Variants in PRDM16 observed in about 807,000 individuals in gnomAD.
PRDM16 encodes the protein histone-lysine N-methyltransferase PRDM16.
In PRDM16, 23 loss-of-function variants were observed where a neutral mutation model predicts 110.6. That is an observed-to-expected ratio of 0.21 (90% confidence interval 0.15 to 0.29). The LOEUF is 0.29. Ranked by LOEUF, PRDM16 falls within the 10% of genes least tolerant of loss-of-function variation. The probability of loss-of-function intolerance (pLI) is 1.00; values close to 1 mark genes in which losing one functional copy is unlikely to be tolerated. For synonymous variants in PRDM16, 799 were observed against 781.8 expected, an observed-to-expected ratio of 1.02 and a Z score of -0.37; for missense variants, 1,615 against 1,794.3, an observed-to-expected ratio of 0.90 and a Z score of 1.81.
intron 2 of PRDM16, among the ~76,000 whole-genome samples, chr1:3,212,196 G>T (rs1028411570): frequency 2.6e-5 from 4 of 152,158 alleles, no homozygotes; most frequent in Non-Finnish European, 4.4e-5. Context: ...GGGCCAGTGC[G>T]CACAAAGCCC....
intron 1 of PRDM16, among the ~76,000 whole-genome samples, chr1:3,085,039 C>A (rs1406121323): frequency 3.9e-5 from 6 of 152,126 alleles, no homozygotes; most frequent in Non-Finnish European, 8.8e-5. Context: ...CCTTTTCCTG[C>A]ACCCCTTGGT....
chr1:3,266,869 G>A (rs1322471412), intron 3 of PRDM16, among the ~76,000 whole-genome samples: 2 of 152,048 alleles, frequency 1.3e-5, no homozygotes, highest in African/African-American at 2.4e-5. Context: ...GTAGAGACCG[G>A]ATTTTGCCGT....
intron 8 of PRDM16, among the ~76,000 whole-genome samples, chr1:3,408,683 C>T (rs943352690): frequency 5.8e-5 from 8 of 137,674 alleles, no homozygotes; most frequent in African/African-American, 8.3e-5. Context: ...AGTGTGAGCA[C>T]GTGAGCCGGT....
chr1:3,137,530 G>T (rs372310767), intron 1 of PRDM16, among the ~76,000 whole-genome samples: 50 of 152,308 alleles, frequency 3.3e-4, no homozygotes, highest in African/African-American at 1.1e-3. Flanking sequence ...AGGCACTGGG[G>T]GTCAGATTGG....
At chr1:3,408,795 CGT>C (rs35154920) in intron 8 of PRDM16, among the ~76,000 whole-genome samples, 5,749 of 133,304 alleles carry the variant, frequency 0.043, 437 homozygotes, top group African/African-American at 0.15. Flanking sequence ...TGAGCCGGTG[CGT>C]GTGTGTGAGC....
chr1:3,433,195 G>A (rs578020984), intron 16 of PRDM16, among the ~76,000 whole-genome samples: 2 of 152,244 alleles, frequency 1.3e-5, no homozygotes, highest in Non-Finnish European at 2.9e-5. Flanking sequence ...GGTGTGCACA[G>A]GAGGCCCTGC....
chr1:3,337,113 G>A (rs1214328059), intron 3 of PRDM16, among the ~76,000 whole-genome samples: 1 of 150,908 alleles, frequency 6.6e-6, no homozygotes, highest in Non-Finnish European at 1.5e-5. Flanking sequence ...GTTGGTGTGA[G>A]CCTCTGTGTG....
At chr1:3,335,440 G>T (rs138795183) in intron 3 of PRDM16, among the ~76,000 whole-genome samples, 1 of 152,272 alleles carries the variant, frequency 6.6e-6, no homozygotes, top group South Asian at 2.1e-4. Flanking sequence ...TCCTTAGCCC[G>T]GTCGCGTTAG....
At chr1:3,197,362 G>A (rs1032226401) in intron 2 of PRDM16, among the ~76,000 whole-genome samples, 2 of 152,178 alleles carry the variant, frequency 1.3e-5, no homozygotes, top group African/African-American at 4.8e-5. Context: ...CATCACAGCG[G>A]CCCCAGCTCG....
In PRDM16 at chr1:3,285,913, C is replaced by T. The variant is rs534269157; in HGVS notation, c.438+41776C>T. On this transcript the variant is annotated intron_variant, in intron 3 of 16. Transcript: ENST00000270722. ...GGAGCCCAATCAAAGATCCAGGCTCCGCTGACGAGAAAACCCAGAAAGCCC... is the reference window on the plus strand; with the variant it reads ...GGAGCCCAATCAAAGATCCAGGCTCTGCTGACGAGAAAACCCAGAAAGCCC... Among the ~76,000 whole-genome samples, 12 of 152,290 alleles carry T rather than the reference C, an allele frequency of 7.9e-5. No individual in the cohort carries two copies. In the South Asian group the frequency reaches 8.3e-4, roughly 11 times the overall value.
intron 1 of PRDM16, among the ~76,000 whole-genome samples, chr1:3,162,937 G>T (rs12036098): frequency 1.1e-5 from 1 of 94,964 alleles, no homozygotes. Flanking sequence ...GAGGGGATGT[G>T]CGCAGAAGCC....
At chr1:3,371,207 ACCCAC>A (rs1642900699) in intron 3 of PRDM16, among the ~76,000 whole-genome samples, 1 of 16,910 alleles carries the variant, frequency 5.9e-5, no homozygotes, top group African/African-American at 1.3e-3. Context: ...CCATCCATCC[ACCCAC>A]CCACCCATCC....
At chr1:3,114,019 A>G (rs968489879) in intron 1 of PRDM16, among the ~76,000 whole-genome samples, 1 of 152,220 alleles carries the variant, frequency 6.6e-6, no homozygotes, top group Non-Finnish European at 1.5e-5. Context: ...TTTTAAACCT[A>G]CTAGTCATGT....
intron 1 of PRDM16, among the ~76,000 whole-genome samples, chr1:3,181,628 ATGC>A (rs1468948544): frequency 0.013 from 1,731 of 135,448 alleles, 144 homozygotes; most frequent in Admixed American, 0.018. Flanking sequence ...GGTCTTACAC[ATGC>A]AGTCTTACAC....
In PRDM16 at chr1:3,390,841, T is replaced by G. The variant is rs1643288182; in HGVS notation, c.573+5555T>G. Reference sequence around the variant, plus strand: ...TTTTATCTCTCACAGTGTGTTTTTTTTTTTTTTTTTTTAGACAGAGTTTCA... The same window carrying G: ...TTTTATCTCTCACAGTGTGTTTTTTGTTTTTTTTTTTTAGACAGAGTTTCA... On this transcript the variant is annotated intron_variant, in intron 4 of 16. Coordinates refer to ENST00000270722, the MANE Select transcript of PRDM16 (RefSeq NM_022114.4). The surrounding 1 kb of genome is among the most constrained non-coding windows in gnomAD (Gnocchi z 5.0). 6.6e-6 allele frequency among the ~76,000 whole-genome samples: 1 copy of G among 151,248 alleles called. No individual in the cohort carries two copies. The highest frequency in any genetic ancestry group is 2.4e-5 in the African/African-American group (1 of 41,246).
At chr1:3,252,423 C>G (rs1276195978) in intron 3 of PRDM16, among the ~76,000 whole-genome samples, 1 of 152,128 alleles carries the variant, frequency 6.6e-6, no homozygotes, top group African/African-American at 2.4e-5. Flanking sequence ...CAGTCCTGCT[C>G]TAGAGCCAGA....
intron 3 of PRDM16, among the ~76,000 whole-genome samples, chr1:3,266,472 C>A (rs187432841): frequency 5.3e-5 from 8 of 152,268 alleles, no homozygotes; most frequent in African/African-American, 1.9e-4. Flanking sequence ...GAGGACCGAG[C>A]GGTTCGCATT....
chr1:3,277,680 T>C (rs115921237), intron 3 of PRDM16, among the ~76,000 whole-genome samples: 3,993 of 152,200 alleles, frequency 0.026, 168 homozygotes, highest in African/African-American at 0.087. Flanking sequence ...TCCACAGAGC[T>C]CCCGGAGCAG....
At chr1:3,133,462 C>T (rs972743136) in intron 1 of PRDM16, 1 of 152,418 alleles carries the variant, frequency 6.6e-6, no homozygotes, top group African/African-American at 2.4e-5. Flanking sequence ...GATACCCAGG[C>T]TCTTGTCTGT....
Sources: allele counts gnomAD v4.1 joint callset (sites outside exome capture counted in the v4.1 genomes callset), GRCh38; gene constraint gnomAD v4.1.1; non-coding constraint Gnocchi (gnomAD v3.1); transcripts MANE v1.5; gene names NCBI Gene and HGNC (gene_info 2026-07-23, HGNC 2026-07-21).